ATP5IF1: variants seen among roughly 807,000 people sequenced by gnomAD.
ATP5IF1 encodes ATPase inhibitor, mitochondrial.
A neutral mutation model predicts 8.5 loss-of-function variants in ATP5IF1; 12 were observed. The ratio of observed to expected loss-of-function variants is 1.41; its 90% CI spans 0.90 to 2.28. The LOEUF is 2.28. Ranked by LOEUF, ATP5IF1 falls within the 30% of genes most tolerant of loss-of-function variation. The pLI, the probability that ATP5IF1 is intolerant of heterozygous loss-of-function variation, is 0.00. For synonymous variants in ATP5IF1, 51 were observed against 53.4 expected (o/e 0.96, Z 0.19); for missense variants, 154 against 140.2 (o/e 1.10, Z -0.50).
intron 2 of ATP5IF1, chr1:28,237,045 C>T (rs2149028719): frequency 1.0e-6 from 1 of 1,003,092 alleles, no homozygotes; most frequent in South Asian, 4.2e-5. Flanking sequence ...CAACCTAGAC[C>T]TGTAGATTTC....
chr1:28,236,418 AAG>A lies in ATP5IF1; in HGVS notation c.152_153del (p.Glu51AlafsTer3), dbSNP rs765700853. On this transcript the variant is annotated frameshift_variant, in exon 2 of 3. Transcript: ENST00000335514. LOFTEE classifies it high-confidence loss of function. Reference protein sequence around the residue: ...SIREAGGAFGKREQAEEERYF... With the variant: ...SIREAGGAFGXREQAEEERYF... The stretch of plus-strand genomic sequence containing the variant: ...CCGGGAAGCCGGTGGGGCCTTCGGA[AAG>A]AGAGAGCAGGCTGAAGAGGAACGAT... 1.3e-5 allele frequency: 21 copies of A among 1,614,216 alleles called. No homozygotes were observed. In the South Asian group the frequency reaches 2.0e-4, roughly 15 times the overall value.
In ATP5IF1 at chr1:28,236,242, T is replaced by C; in HGVS notation, c.59T>C (p.Met20Thr). Residue 20 changes from methionine to threonine, a missense_variant, in exon 1 of 3, where the codon ATG becomes ACG. Met to Thr is a moderately conservative substitution (Grantham distance 81). Coordinates refer to ENST00000335514, the MANE Select transcript of ATP5IF1 (RefSeq NM_016311.5). ...TWLGVWGVRT[M>T]QARGFGSDQS... Reference sequence around the variant, plus strand: ...CTTGGCGTGTGGGGCGTGAGGACCATGCAAGCCCGAGGCTTCGGCTCGGAT... The same window carrying C: ...CTTGGCGTGTGGGGCGTGAGGACCACGCAAGCCCGAGGCTTCGGCTCGGAT... 6.2e-7 allele frequency: 1 copy of C among 1,614,004 alleles called. No individual in the cohort carries two copies. The highest frequency in any genetic ancestry group is 8.5e-7 in the Non-Finnish European group (1 of 1,179,992).
rs867943266 is a variant in ATP5IF1, at chr1:28,237,124, C to A, written c.179+672C>A. 3 of 993,756 alleles carry A rather than the reference C, an allele frequency of 3.0e-6. No individual in the cohort carries two copies. The South Asian group carries it at 1.3e-4, about 45-fold the overall frequency. The allele number at this position is 993,756 out of a possible 1,614,324, so 61.6% of individuals were successfully genotyped here. ...CCAGCCTTGAGTTATCTTTAACTGA[C>A]TTCTGTCCACTCTGGAGAGCAGTGA... is the stretch of plus-strand genomic sequence containing the variant. On this transcript the variant is annotated intron_variant, in intron 2 of 2. Coordinates refer to ENST00000335514, the MANE Select transcript of ATP5IF1 (RefSeq NM_016311.5).
chr1:28,237,039 C>T, intron 2 of ATP5IF1: 1 of 1,007,516 alleles, frequency 9.9e-7, no homozygotes, highest in South Asian at 4.0e-5. Flanking sequence ...TCAGCCCAAC[C>T]TAGACCTGTA....
chr1:28,237,437 A>C, intron 2 of ATP5IF1: 1 of 1,147,202 alleles, frequency 8.7e-7, no homozygotes, highest in South Asian at 2.8e-5. Flanking sequence ...ATAGGCAAAG[A>C]AAGCTCTAGA....
chr1:28,237,486 C>T (rs1167568591), intron 2 of ATP5IF1: 2 of 1,319,194 alleles, frequency 1.5e-6, no homozygotes, highest in South Asian at 1.9e-5. Context: ...CTTTTAGCTA[C>T]ACCCCTTTGT....
intron 2 of ATP5IF1, 121 bp downstream of exon 2, chr1:28,236,573 C>T (rs2078348): frequency 0.24 from 368,401 of 1,549,982 alleles, 45,115 homozygotes; most frequent in Non-Finnish European, 0.25. Flanking sequence ...CCCAACAGAA[C>T]TCCCGGGCCC....
chr1:28,237,050 G>A, intron 2 of ATP5IF1: 1 of 1,000,324 alleles, frequency 1.0e-6, no homozygotes, highest in Non-Finnish European at 1.2e-6. Context: ...TAGACCTGTA[G>A]ATTTCCCTCT....
rs1269180807 is a variant in ATP5IF1 at position 28,237,989 on chromosome 1, T to A, written c.*11T>A. ...AAACATGATGATTAAGTGCACACCG[T>A]GTGCCATAGAATGGCACATGTCATT... is the stretch of plus-strand genomic sequence containing the variant. On this transcript the variant is annotated 3_prime_UTR_variant, in exon 3 of 3. Coordinates refer to ENST00000335514, the MANE Select transcript of ATP5IF1 (RefSeq NM_016311.5). 1 of 1,605,302 alleles carries A rather than the reference T, an allele frequency of 6.2e-7. No individual in the cohort carries two copies. Among genetic ancestry groups the A allele is most frequent in the Admixed American group, 1.7e-5 (1 of 59,708 alleles).
Position 28,236,980 on chromosome 1 carries a change from T to C in ATP5IF1, c.179+528T>C, listed in dbSNP as rs1321993895. On this transcript the variant is annotated intron_variant, in intron 2 of 2. Coordinates refer to ENST00000335514, the MANE Select transcript of ATP5IF1 (RefSeq NM_016311.5). ...GAGTGAGGATGATGGGAGCTGGTCA[T>C]GGGAGCTACTTATGGTTGGACACCA... The C allele has an allele frequency of 6.7e-6, 7 of 1,043,198 alleles. No homozygotes were observed. In the African/African-American group the frequency reaches 1.2e-4, roughly 18 times the overall value. 64.6% of individuals were successfully genotyped at this position (1,043,198 alleles called of 1,614,324 possible).
rs556914230 is a variant in ATP5IF1 at position 28,237,917 on chromosome 1, G to T, written c.260G>T (p.Arg87Leu). The T allele has an allele frequency of 6.2e-7, 1 of 1,613,996 alleles. No individual in the cohort carries two copies. Among genetic ancestry groups the T allele is most frequent in the Non-Finnish European group, 8.5e-7 (1 of 1,180,024 alleles). ...GTTCATCATAAGAAGGAGATTGAGC[G>T]TCTGCAGAAAGAAATTGAGCGCCAT... ...EIVHHKKEIE[R>L]LQKEIERHKQ... The change falls in exon 3 of 3, where the codon CGT (arginine) becomes CTT (leucine). Residue 87 changes from arginine (R) to leucine (L), a missense_variant. By Grantham distance (102) the Arg-to-Leu change is moderately radical (BLOSUM62 -2). Transcript: ENST00000335514.
intron 1 of ATP5IF1, 27 bp downstream of exon 1, chr1:28,236,297 C>A (rs1471989741): frequency 1.2e-6 from 2 of 1,614,196 alleles, no homozygotes; most frequent in South Asian, 1.1e-5. Context: ...TCCGCTGCTC[C>A]AGCCCCGCGG....
At chr1:28,237,020 T>C in intron 2 of ATP5IF1, 1 of 1,019,510 alleles carries the variant, frequency 9.8e-7, no homozygotes, top group Non-Finnish European at 1.2e-6. Flanking sequence ...CTAAAGGCTT[T>C]TGCCCTACTC....
intron 1 of ATP5IF1, 33 bp downstream of exon 1, chr1:28,236,303 C>T (rs769539696): frequency 6.2e-7 from 1 of 1,614,188 alleles, no homozygotes; most frequent in Non-Finnish European, 8.5e-7. Context: ...GCTCCAGCCC[C>T]GCGGGCGGAT....
At position 28,236,256 on chromosome 1, in the gene ATP5IF1, T is replaced by G. The variant is rs756495580; in HGVS notation, c.73T>G (p.Phe25Val). 6.2e-7 allele frequency: 1 copy of G among 1,614,086 alleles called. No homozygotes were observed. Among genetic ancestry groups the G allele is most frequent in the South Asian group, 1.1e-5 (1 of 91,080 alleles). ...WGVRTMQARG[F>V]GSDQSENVDR... ...CGTGAGGACCATGCAAGCCCGAGGC[T>G]TCGGCTCGGATCAGGTACGCTGCGG... The change falls in exon 1 of 3, where the codon TTC becomes GTC. Residue 25 changes from phenylalanine to valine, a missense_variant. Coordinates refer to ENST00000335514, the MANE Select transcript of ATP5IF1 (RefSeq NM_016311.5).
In ATP5IF1 at chr1:28,236,408, G is replaced by C. The variant is rs777544739; in HGVS notation, c.135G>C (p.Gly45=). 6.2e-7 allele frequency: 1 copy of C among 1,614,206 alleles called. No individual in the cohort carries two copies. Among genetic ancestry groups the C allele is most frequent in the South Asian group, 1.1e-5 (1 of 91,082 alleles). Reference sequence around the variant, plus strand: ...CGGGCTCCATCCGGGAAGCCGGTGGGGCCTTCGGAAAGAGAGAGCAGGCTG... The same window carrying C: ...CGGGCTCCATCCGGGAAGCCGGTGGCGCCTTCGGAAAGAGAGAGCAGGCTG... ...RGAGSIREAG[G]AFGKREQAEE... Residue 45 remains glycine (G), a synonymous_variant, in exon 2 of 3, where the codon GGG becomes GGC. Coordinates refer to ENST00000335514, the MANE Select transcript of ATP5IF1 (RefSeq NM_016311.5).
chr1:28,236,404 G>A lies in ATP5IF1; in HGVS notation c.131G>A (p.Gly44Asp), dbSNP rs761254041. ...DRGAGSIREA[G>D]GAFGKREQAE... ...GGCGCGGGCTCCATCCGGGAAGCCG[G>A]TGGGGCCTTCGGAAAGAGAGAGCAG... Residue 44 changes from glycine to aspartate, a missense_variant, in exon 2 of 3, where the codon GGT (glycine) becomes GAT (aspartate). Coordinates refer to ENST00000335514, the MANE Select transcript of ATP5IF1 (RefSeq NM_016311.5). 3.7e-6 allele frequency: 6 copies of A among 1,614,252 alleles called. No homozygotes were observed. The highest frequency in any genetic ancestry group is 1.6e-4 in the Middle Eastern group (1 of 6,062).
intron 2 of ATP5IF1, chr1:28,236,665 G>A (rs1011371650): frequency 6.8e-7 from 1 of 1,463,726 alleles, no homozygotes; most frequent in Non-Finnish European, 9.0e-7. Flanking sequence ...ACAGTTTCAG[G>A]CCCCCAAACC....
At chr1:28,236,657 A>T (rs1490953461) in intron 2 of ATP5IF1, 12 of 1,477,278 alleles carry the variant, frequency 8.1e-6, no homozygotes, top group Non-Finnish European at 1.1e-5. Flanking sequence ...CCTGCACAAC[A>T]GTTTCAGGCC....
Sources: gnomAD v4.1 joint callset for allele counts on GRCh38, gnomAD v4.1.1 for gene constraint, MANE v1.5 for transcripts, NCBI Gene and HGNC (gene_info 2026-07-23, HGNC 2026-07-21) for gene names.